SLX4IP: variants seen among roughly 807,000 people sequenced by gnomAD.
SLX4IP encodes the protein SLX4 interacting protein.
SLX4IP carries 34 observed loss-of-function variants against 32.9 expected under a neutral mutation model. That is an observed-to-expected ratio of 1.03 (90% CI 0.79 to 1.38). SLX4IP has a LOEUF of 1.38. Among genes scored for constraint, SLX4IP ranks in the 40% most tolerant of loss-of-function variants. SLX4IP has a pLI of 0.00. For missense variants in SLX4IP, 444 were observed against 479.0 expected, an observed-to-expected ratio of 0.93 and a Z score of 0.68; for synonymous variants, 172 against 171.7, an observed-to-expected ratio of 1.00 and a Z score of -0.01.
rs142276261 is a variant in SLX4IP, at chr20:10,509,799, C to T, written c.28-46432C>T. Among the ~76,000 whole-genome samples the T allele has an allele frequency of 8.7e-3, 1,330 of 152,152 alleles. 9 individuals carry two copies. Among genetic ancestry groups the T allele is most frequent in the Non-Finnish European group, 0.015 (1,038 of 67,996 alleles). On this transcript the variant is annotated intron_variant, in intron 2 of 7. Transcript: ENST00000334534. Reference sequence around the variant, plus strand: ...ACAAAGCCCTGGCTCAAGCAGTCCTCCCCTTCGGCTTTCCCAGTATCTGGG... The same window carrying T: ...ACAAAGCCCTGGCTCAAGCAGTCCTTCCCTTCGGCTTTCCCAGTATCTGGG...
intron 2 of SLX4IP, among the ~76,000 whole-genome samples, chr20:10,549,974 A>T (rs575527006): frequency 6.6e-6 from 1 of 152,350 alleles, no homozygotes; most frequent in South Asian, 2.1e-4. Context: ...TGTAAAATTC[A>T]CACTCCAGGA....
At chr20:10,614,921 C>T (rs1413576930) in intron 6 of SLX4IP, among the ~76,000 whole-genome samples, 1 of 152,098 alleles carries the variant, frequency 6.6e-6, no homozygotes, top group African/African-American at 2.4e-5. Context: ...TAATGTAATC[C>T]AAGTTGAAAG....
At chr20:10,468,570 A>G (rs1323993691) in intron 2 of SLX4IP, among the ~76,000 whole-genome samples, 1 of 152,070 alleles carries the variant, frequency 6.6e-6, no homozygotes, top group African/African-American at 2.4e-5. Context: ...AAACTAATGC[A>G]TTTGCATTTC....
At chr20:10,617,603 G>A (rs956927207) in intron 6 of SLX4IP, among the ~76,000 whole-genome samples, 1 of 150,426 alleles carries the variant, frequency 6.6e-6, no homozygotes, top group Non-Finnish European at 1.5e-5. Context: ...CTTAAACATT[G>A]CCCAGTATTT....
At chr20:10,473,156 G>C (rs904573644) in intron 2 of SLX4IP, among the ~76,000 whole-genome samples, 9 of 152,184 alleles carry the variant, frequency 5.9e-5, no homozygotes, top group Non-Finnish European at 8.8e-5. Context: ...GCCAGCATTC[G>C]GTCTGGCTGT....
chr20:10,544,588 T>C (rs1317314215), intron 2 of SLX4IP, among the ~76,000 whole-genome samples: 1 of 152,164 alleles, frequency 6.6e-6, no homozygotes. Context: ...GGTTCTGGCA[T>C]GTTGCCTAGG....
At chr20:10,592,274 C>G (rs1374081442) in intron 4 of SLX4IP, among the ~76,000 whole-genome samples, 1 of 152,100 alleles carries the variant, frequency 6.6e-6, no homozygotes, top group African/African-American at 2.4e-5. Flanking sequence ...AGACTAGGAT[C>G]CCGTATGTAT....
chr20:10,495,050 A>G (rs1444191820), intron 2 of SLX4IP, among the ~76,000 whole-genome samples: 1 of 152,176 alleles, frequency 6.6e-6, no homozygotes, highest in Non-Finnish European at 1.5e-5. Flanking sequence ...ATCATTCCAC[A>G]TTTTTCCCAT....
chr20:10,586,566 G>A (rs367996966), intron 4 of SLX4IP, among the ~76,000 whole-genome samples: 135 of 152,088 alleles, frequency 8.9e-4, no homozygotes, highest in African/African-American at 3.2e-3. Flanking sequence ...CCAGACTAAT[G>A]GTTTCTTGCT....
At chr20:10,539,680 T>A (rs190877650) in intron 2 of SLX4IP, among the ~76,000 whole-genome samples, 4 of 152,336 alleles carry the variant, frequency 2.6e-5, no homozygotes, top group African/African-American at 9.6e-5. Flanking sequence ...ATTATTAAAC[T>A]GTTCAGAGTA....
chr20:10,600,368 A>G (rs2066827318), intron 5 of SLX4IP, among the ~76,000 whole-genome samples: 1 of 152,130 alleles, frequency 6.6e-6, no homozygotes, highest in African/African-American at 2.4e-5. Context: ...AGGGCTTTGA[A>G]TATTGGGCAC....
intron 1 of SLX4IP, among the ~76,000 whole-genome samples, chr20:10,450,900 C>T (rs796680676): frequency 1.6e-4 from 24 of 152,010 alleles, no homozygotes; most frequent in African/African-American, 4.8e-4. Context: ...TACAGGCGCC[C>T]GCCACTACGC....
intron 6 of SLX4IP, among the ~76,000 whole-genome samples, chr20:10,609,933 T>TA (rs33940995): frequency 0.074 from 11,128 of 150,384 alleles, 632 homozygotes; most frequent in South Asian, 0.24. Flanking sequence ...TCCTTAAAAT[T>TA]AAAAAAAAAA....
At chr20:10,494,527 T>G (rs1164665186) in intron 2 of SLX4IP, among the ~76,000 whole-genome samples, 2 of 150,132 alleles carry the variant, frequency 1.3e-5, no homozygotes, top group Non-Finnish European at 2.9e-5. Flanking sequence ...TAGTTTTCTC[T>G]TTTAATTAAA....
At chr20:10,504,319 T>A (rs979312789) in intron 2 of SLX4IP, among the ~76,000 whole-genome samples, 1 of 152,150 alleles carries the variant, frequency 6.6e-6, no homozygotes, top group Non-Finnish European at 1.5e-5. Flanking sequence ...GAATAGAGAA[T>A]GCCCTGAAAA....
At chr20:10,609,647 C>T (rs1386242492) in intron 6 of SLX4IP, among the ~76,000 whole-genome samples, 2 of 152,184 alleles carry the variant, frequency 1.3e-5, no homozygotes, top group African/African-American at 2.4e-5. Flanking sequence ...CTCTCTCCAC[C>T]ATGTCCCTGT....
At chr20:10,516,807 A>G (rs2065854471) in intron 2 of SLX4IP, among the ~76,000 whole-genome samples, 1 of 152,348 alleles carries the variant, frequency 6.6e-6, no homozygotes, top group South Asian at 2.1e-4. Flanking sequence ...CCTTTCACAG[A>G]ATGAAAAAAT....
chr20:10,536,830 C>T (rs2066050897), intron 2 of SLX4IP, among the ~76,000 whole-genome samples: 1 of 152,184 alleles, frequency 6.6e-6, no homozygotes, highest in Admixed American at 6.5e-5. Context: ...AGGGTCTAAT[C>T]TTATTTACAG....
At chr20:10,593,708 C>T (rs975845101) in intron 4 of SLX4IP, among the ~76,000 whole-genome samples, 4 of 152,230 alleles carry the variant, frequency 2.6e-5, no homozygotes, top group East Asian at 1.9e-4. Context: ...TGCACTCCAG[C>T]CTGGGCAACA....
Sources: allele counts gnomAD v4.1 joint callset (sites outside exome capture counted in the v4.1 genomes callset), GRCh38; gene constraint gnomAD v4.1.1; transcripts MANE v1.5; gene names NCBI Gene and HGNC (gene_info 2026-07-23, HGNC 2026-07-21).